VPS8: variants seen among roughly 807,000 people sequenced by gnomAD.
VPS8 encodes vacuolar protein sorting-associated protein 8 homolog.
Under a neutral mutation model 216.4 loss-of-function variants are expected in VPS8, and 129 were observed. The ratio of observed to expected loss-of-function variants is 0.60; its 90% confidence interval spans 0.52 to 0.69. The LOEUF (loss-of-function observed/expected upper bound fraction) is 0.69, where lower values mean the gene tolerates loss of function less well. VPS8 is among the 30% of genes least tolerant of loss of function. VPS8 has a pLI of 0.00. For synonymous variants in VPS8, 571 were observed against 565.4 expected (o/e 1.01, Z -0.14); for missense variants, 1,531 against 1,683.5 (o/e 0.91, Z 1.59).
chr3:184,989,049 ATCTGCAAACAAAGACAGTTTTATT>A (rs1262189751), intron 42 of VPS8, among the ~76,000 whole-genome samples: 1 of 152,200 alleles, frequency 6.6e-6, no homozygotes, highest in African/African-American at 2.4e-5. Context: ...CAATCATGTC[ATCTGCAAACAAAGACAGTTTTATT>A]TCTTCCTTCC....
chr3:184,957,305 A>T (rs1346907833), intron 36 of VPS8, 69 bp from the exon 37 acceptor site: 3 of 1,471,908 alleles, frequency 2.0e-6, no homozygotes, highest in Non-Finnish European at 1.8e-6. Context: ...TTTTACTGGT[A>T]GCTTTTAATT....
At chr3:184,818,703 C>G (rs1716892485) in intron 1 of VPS8, among the ~76,000 whole-genome samples, 1 of 152,006 alleles carries the variant, frequency 6.6e-6, no homozygotes, top group Non-Finnish European at 1.5e-5. Context: ...TGTACTATAT[C>G]ATGATTTTGT....
At chr3:184,851,596 C>T (rs552857185) in intron 10 of VPS8, among the ~76,000 whole-genome samples, 1 of 152,114 alleles carries the variant, frequency 6.6e-6, no homozygotes, top group Admixed American at 6.6e-5. Flanking sequence ...TGCACTCCAG[C>T]GGACCATGTC....
chr3:184,875,767 A>G (rs1228599653), intron 21 of VPS8, among the ~76,000 whole-genome samples: 1 of 150,254 alleles, frequency 6.7e-6, no homozygotes, highest in Non-Finnish European at 1.5e-5. Flanking sequence ...CGGGTGGATC[A>G]CTTGAGCTCA....
chr3:184,926,535 A>G, intron 30 of VPS8, 59 bp from the exon 31 acceptor site: 1 of 1,484,154 alleles, frequency 6.7e-7, no homozygotes, highest in Non-Finnish European at 9.1e-7. Flanking sequence ...TATTTTTATT[A>G]TGAGAGTATT....
intron 30 of VPS8, among the ~76,000 whole-genome samples, chr3:184,926,376 C>CAATAAATAAATAAATAAATAAATAAATA (rs150917702): frequency 6.7e-6 from 1 of 149,478 alleles, no homozygotes; most frequent in African/African-American, 2.5e-5. Flanking sequence ...GACTCTGTCT[C>CAATAAATAAATAAATAAATAAATAAATA]AATAAATAAA....
At chr3:184,946,522 GATA>G (rs1359152420) in intron 36 of VPS8, among the ~76,000 whole-genome samples, 1 of 152,176 alleles carries the variant, frequency 6.6e-6, no homozygotes, top group Non-Finnish European at 1.5e-5. Flanking sequence ...GGCAGATAAT[GATA>G]ATGTTCTCTG....
At chr3:184,959,421 C>T (rs905407415) in intron 37 of VPS8, among the ~76,000 whole-genome samples, 1 of 152,062 alleles carries the variant, frequency 6.6e-6, no homozygotes, top group Non-Finnish European at 1.5e-5. Flanking sequence ...TATGAATATT[C>T]AGTTTCTGAA....
chr3:184,953,918 C>T (rs1321809596), intron 36 of VPS8, among the ~76,000 whole-genome samples: 6 of 152,098 alleles, frequency 3.9e-5, no homozygotes, highest in Admixed American at 2.0e-4. Context: ...TAGGATTTTC[C>T]TTTTATTTCT....
At chr3:184,980,993 A>G (rs946332862) in intron 40 of VPS8, among the ~76,000 whole-genome samples, 1 of 152,000 alleles carries the variant, frequency 6.6e-6, no homozygotes, top group Non-Finnish European at 1.5e-5. Flanking sequence ...TTGCTTTTGT[A>G]TTCTTTGATG....
chr3:184,845,894 A>G (rs1577864321), intron 8 of VPS8, among the ~76,000 whole-genome samples: 1 of 151,972 alleles, frequency 6.6e-6, no homozygotes. Flanking sequence ...AAGTGTATAT[A>G]TGAATGTAAT....
intron 45 of VPS8, among the ~76,000 whole-genome samples, chr3:185,000,693 C>G (rs1476422743): frequency 6.6e-6 from 1 of 150,842 alleles, no homozygotes; most frequent in Non-Finnish European, 1.5e-5. Flanking sequence ...ACTGCAAGCT[C>G]CGTCTCCTGG....
In VPS8 at chr3:184,855,726, G is replaced by A; in HGVS notation, c.1051G>A (p.Val351Met). 1.2e-6 allele frequency: 2 copies of A among 1,612,678 alleles called. No individual in the cohort carries two copies. The highest frequency in any genetic ancestry group is 2.2e-5 in the East Asian group (1 of 44,824). The change falls in exon 14 of 48, where the codon GTG becomes ATG. Residue 351 changes from valine to methionine, a missense_variant. By Grantham distance (21) the Val-to-Met change is conservative (BLOSUM62 1). Around this residue, in one of 3 missense-constraint regions of VPS8, gnomAD observed 1,318 missense variants for 1,468.4 expected, o/e 0.90. Coordinates refer to ENST00000625842, the MANE Select transcript of VPS8 (RefSeq NM_001009921.3). ...FPYGRMDPSS[V>M]PLLAWHFVAV... is the part of the protein sequence containing the mutation. ...CCCTACTTAGATGGATCCTTCCAGT[G>A]TGCCACTGCTGGCCTGGCACTTTGT... is the stretch of plus-strand genomic sequence containing the variant.
chr3:184,951,388 A>T (rs554615859), intron 36 of VPS8, among the ~76,000 whole-genome samples: 2 of 151,956 alleles, frequency 1.3e-5, no homozygotes, highest in South Asian at 4.2e-4. Flanking sequence ...AGGAGGCTGA[A>T]GTGGGAGGAT....
rs1329422688 is a variant in VPS8, at chr3:184,984,454, C to G, written c.3585+1360C>G. On this transcript the variant is annotated intron_variant, in intron 42 of 47. Coordinates refer to ENST00000625842, the MANE Select transcript of VPS8 (RefSeq NM_001009921.3). Reference sequence around the variant, plus strand: ...GATTAGAGGCATGTGCCACCACGCCCAGCTGATTTTGTATTTTTAGTAGAG... The same window carrying G: ...GATTAGAGGCATGTGCCACCACGCCGAGCTGATTTTGTATTTTTAGTAGAG... Among the ~76,000 whole-genome samples, 7 of 151,728 alleles carry G rather than the reference C, an allele frequency of 4.6e-5. No individual in the cohort carries two copies. In the East Asian group the frequency reaches 1.2e-3, roughly 26 times the overall value.
chr3:184,903,980 CTAAG>C (rs927081869), intron 25 of VPS8, among the ~76,000 whole-genome samples: 2 of 151,988 alleles, frequency 1.3e-5, no homozygotes, highest in African/African-American at 4.8e-5. Context: ...TTTCCTCCTC[CTAAG>C]TATTTTATTC....
intron 1 of VPS8, among the ~76,000 whole-genome samples, chr3:184,819,468 C>T (rs76733076): frequency 0.032 from 4,824 of 152,264 alleles, 90 homozygotes; most frequent in Non-Finnish European, 0.046. Context: ...ATGAGTGGTT[C>T]ATTATCAACC....
intron 10 of VPS8, 74 bp downstream of exon 10, chr3:184,850,096 A>G (rs1021534748): frequency 1.6e-5 from 21 of 1,279,002 alleles, no homozygotes; most frequent in East Asian, 4.8e-5. Flanking sequence ...AAATTTCTCT[A>G]TGTTGATGAT....
chr3:184,903,979 C>T (rs989008753), intron 25 of VPS8, among the ~76,000 whole-genome samples: 1 of 152,014 alleles, frequency 6.6e-6, no homozygotes, highest in African/African-American at 2.4e-5. Flanking sequence ...TTTTCCTCCT[C>T]CTAAGTATTT....
Sources: gnomAD v4.1 joint callset for allele counts (sites outside exome capture counted in the v4.1 genomes callset) on GRCh38, gnomAD v4.1.1 for gene constraint, gnomAD v4.1.1 regional missense constraint, MANE v1.5 for transcripts, NCBI Gene and HGNC (gene_info 2026-07-23, HGNC 2026-07-21) for gene names.